SGPP2: variants seen among roughly 807,000 people sequenced by gnomAD.
SGPP2 encodes sphingosine-1-phosphate phosphatase 2, also known as sphingosine 1-phosphate phosphohydrolase 2.
In SGPP2, 30 loss-of-function variants were observed where a neutral mutation model predicts 33.9. The observed-to-expected ratio is 0.89, with a 90% CI of 0.66 to 1.20. The LOEUF (loss-of-function observed/expected upper bound fraction) is 1.20. SGPP2 is among the 50% of genes most tolerant of loss of function. The pLI, the probability that SGPP2 is intolerant of heterozygous loss-of-function variation, is 0.00. For synonymous variants in SGPP2, 233 were observed against 225.0 expected (o/e 1.04, Z -0.32); for missense variants, 458 against 532.1 (o/e 0.86, Z 1.37).
chr2:222,470,800 A>C (rs1697826471), intron 1 of SGPP2, among the ~76,000 whole-genome samples: 2 of 152,226 alleles, frequency 1.3e-5, no homozygotes, highest in Admixed American at 6.5e-5. Context: ...TGATGGGCTA[A>C]AATAACAAAC....
At chr2:222,542,970 T>C (rs1175527192) in intron 4 of SGPP2, among the ~76,000 whole-genome samples, 2 of 152,166 alleles carry the variant, frequency 1.3e-5, no homozygotes, top group Non-Finnish European at 2.9e-5. Flanking sequence ...GTATTATTAC[T>C]CATAGAGATG....
intron 2 of SGPP2, among the ~76,000 whole-genome samples, chr2:222,510,793 G>A (rs1276265853): frequency 6.6e-6 from 1 of 152,164 alleles, no homozygotes; most frequent in African/African-American, 2.4e-5. Context: ...ATACAAAAAT[G>A]TAAACAAAAG....
intron 2 of SGPP2, among the ~76,000 whole-genome samples, chr2:222,501,471 G>A (rs1254626591): frequency 1.3e-5 from 2 of 152,092 alleles, no homozygotes; most frequent in Non-Finnish European, 2.9e-5. Context: ...CTTTTTACAG[G>A]AGCTTAACAT....
intron 3 of SGPP2, among the ~76,000 whole-genome samples, chr2:222,523,861 CTT>C: frequency 6.6e-6 from 1 of 152,256 alleles, no homozygotes; most frequent in African/African-American, 2.4e-5. Flanking sequence ...ATTCTGAACA[CTT>C]TTAAATTAAA....
At chr2:222,483,442 G>A (rs1574854603) in intron 2 of SGPP2, among the ~76,000 whole-genome samples, 1 of 152,002 alleles carries the variant, frequency 6.6e-6, no homozygotes, top group Non-Finnish European at 1.5e-5. Context: ...TAAAATGGTG[G>A]TTTTTCAGTA....
At chr2:222,430,366 G>A (rs1030848305) in intron 1 of SGPP2, among the ~76,000 whole-genome samples, 10 of 152,134 alleles carry the variant, frequency 6.6e-5, no homozygotes, top group Admixed American at 2.0e-4. Context: ...AAGGGTGATC[G>A]AAACCTTAAA....
In SGPP2 at chr2:222,512,653, C is replaced by T. The variant is rs565593420; in HGVS notation, c.379-9114C>T. Among the ~76,000 whole-genome samples the T allele has an allele frequency of 7.4e-4, 113 of 152,264 alleles. 1 individual carries two copies. The highest frequency in any genetic ancestry group is 8.8e-5 in the Non-Finnish European group (6 of 68,028). On this transcript the variant is annotated intron_variant, in intron 2 of 4. Coordinates refer to ENST00000321276, the MANE Select transcript of SGPP2 (RefSeq NM_152386.4). ...TGTTCACCCCTCCCTCTCCTCAGTC[C>T]CTGGAAGCCACTGATCTTTTTTACT...
At chr2:222,541,519 G>T (rs1333343341) in intron 4 of SGPP2, among the ~76,000 whole-genome samples, 1 of 152,054 alleles carries the variant, frequency 6.6e-6, no homozygotes, top group Non-Finnish European at 1.5e-5. Flanking sequence ...AGATTAAGAA[G>T]AGACTTTTAG....
chr2:222,540,677 A>T (rs1698978999), intron 4 of SGPP2, among the ~76,000 whole-genome samples: 1 of 152,094 alleles, frequency 6.6e-6, no homozygotes, highest in Admixed American at 6.5e-5. Flanking sequence ...TTTCTCCCTT[A>T]TTTATCTGCA....
intron 1 of SGPP2, among the ~76,000 whole-genome samples, chr2:222,456,455 C>G (rs966277639): frequency 1.3e-5 from 2 of 152,132 alleles, no homozygotes; most frequent in Non-Finnish European, 2.9e-5. Flanking sequence ...ATATGGATAC[C>G]ATATTGAACA....
At chr2:222,479,846 A>G (rs1198118821) in intron 2 of SGPP2, among the ~76,000 whole-genome samples, 1 of 152,168 alleles carries the variant, frequency 6.6e-6, no homozygotes, top group Non-Finnish European at 1.5e-5. Flanking sequence ...CTCCAGCATA[A>G]ATGGGTTAAC....
chr2:222,522,020 T>C, intron 3 of SGPP2, 74 bp downstream of exon 3: 1 of 1,372,088 alleles, frequency 7.3e-7, no homozygotes, highest in Non-Finnish European at 9.7e-7. Flanking sequence ...GAATTTTCTC[T>C]TAAAGCTGCT....
intron 2 of SGPP2, among the ~76,000 whole-genome samples, chr2:222,520,249 T>C (rs1203308966): frequency 1.3e-5 from 2 of 152,160 alleles, no homozygotes; most frequent in Non-Finnish European, 2.9e-5. Context: ...GTTTTTGACT[T>C]GTATTTCTCT....
At chr2:222,447,379 T>C (rs1407745601) in intron 1 of SGPP2, among the ~76,000 whole-genome samples, 1 of 152,166 alleles carries the variant, frequency 6.6e-6, no homozygotes, top group African/African-American at 2.4e-5. Flanking sequence ...AGGTTTGGCC[T>C]GAGTTTGAGT....
intron 1 of SGPP2, among the ~76,000 whole-genome samples, chr2:222,473,860 G>A (rs1405124707): frequency 6.8e-6 from 1 of 147,356 alleles, no homozygotes; most frequent in Non-Finnish European, 1.5e-5. Flanking sequence ...GGAGGCGGAG[G>A]TTGTAGTGAG....
chr2:222,427,797 T>C (rs1697094918), intron 1 of SGPP2, among the ~76,000 whole-genome samples: 1 of 152,166 alleles, frequency 6.6e-6, no homozygotes, highest in Non-Finnish European at 1.5e-5. Context: ...AGGACAAGTG[T>C]TTCCTGTTTT....
At position 222,559,113 on chromosome 2, in the gene SGPP2, G is replaced by T; in HGVS notation, c.*215G>T. On this transcript the variant is annotated 3_prime_UTR_variant, in exon 5 of 5. Coordinates refer to ENST00000321276, the MANE Select transcript of SGPP2 (RefSeq NM_152386.4). ...CGTGGTGGTTGGTTGTGCTACAGTT[G>T]AACCCAGGCTAAAGACCATAATCCG... is the stretch of plus-strand genomic sequence containing the variant. 2.3e-6 allele frequency: 1 copy of T among 433,976 alleles called. No individual in the cohort carries two copies. Among genetic ancestry groups the T allele is most frequent in the Non-Finnish European group, 4.1e-6 (1 of 243,028 alleles). 26.9% of individuals were successfully genotyped at this position (433,976 alleles called of 1,614,324 possible).
At chr2:222,453,646 C>T (rs1697526982) in intron 1 of SGPP2, among the ~76,000 whole-genome samples, 2 of 152,084 alleles carry the variant, frequency 1.3e-5, no homozygotes, top group East Asian at 1.9e-4. Context: ...TTATGATTTG[C>T]TTAATAACAT....
intron 1 of SGPP2, among the ~76,000 whole-genome samples, chr2:222,466,970 G>C (rs757973994): frequency 3.9e-5 from 6 of 152,154 alleles, no homozygotes; most frequent in Admixed American, 3.9e-4. Flanking sequence ...TCTGTTCACT[G>C]TTCCCCTCTG....
Sources: gnomAD v4.1 joint callset for allele counts (sites outside exome capture counted in the v4.1 genomes callset) on GRCh38, gnomAD v4.1.1 for gene constraint, MANE v1.5 for transcripts, NCBI Gene and HGNC (gene_info 2026-07-23, HGNC 2026-07-21) for gene names.